ATP1A1: variants seen among roughly 807,000 people sequenced by gnomAD.
ATP1A1 encodes the protein ATPase Na+/K+ transporting subunit alpha 1.
ATP1A1 carries 14 observed loss-of-function variants against 114.8 expected under a neutral mutation model. The ratio of observed to expected loss-of-function variants is 0.12; its 90% CI spans 0.08 to 0.19. The LOEUF (loss-of-function observed/expected upper bound fraction) is 0.19, where lower values mean the gene tolerates loss of function less well. ATP1A1 is among the 10% of genes least tolerant of loss of function. The pLI, the probability that ATP1A1 is intolerant of heterozygous loss-of-function variation, is 1.00. For synonymous variants in ATP1A1, 471 were observed against 466.3 expected, an observed-to-expected ratio of 1.01 and a Z score of -0.13; for missense variants, 524 against 1,290.7, an observed-to-expected ratio of 0.41 and a Z score of 9.10.
At position 116,389,817 on chromosome 1, in the gene ATP1A1, T is replaced by C. The variant is rs1011261173; in HGVS notation, c.1023+110T>C. The C allele has an allele frequency of 5.5e-6, 8 of 1,449,444 alleles. No individual in the cohort carries two copies. In the Admixed American group the frequency reaches 1.3e-4, roughly 23 times the overall value. The allele number at this position is 1,449,444 out of a possible 1,614,324, so 89.8% of individuals were successfully genotyped here. Reference sequence around the variant, plus strand: ...CAACTTATGTTTTATTCTGGATGTTTGATATAGTTCTTCTTGAGAGCCACA... The same window carrying C: ...CAACTTATGTTTTATTCTGGATGTTCGATATAGTTCTTCTTGAGAGCCACA... On this transcript the variant is annotated intron_variant, in intron 8 of 22. Transcript: ENST00000295598. This position sits in a 1 kb window ranked among gnomAD's most constrained non-coding sequence, Gnocchi z 6.9.
At position 116,398,009 on chromosome 1, in the gene ATP1A1, C is replaced by A; in HGVS notation, c.2095C>A (p.Leu699Ile). The change falls in exon 15 of 23, where the codon CTC becomes ATC. Residue 699 changes from leucine to isoleucine, a missense_variant. Transcript: ENST00000295598. The surrounding 1 kb of genome is among the most constrained non-coding windows in gnomAD (Gnocchi z 6.1). ...VFARTSPQQK[L>I]IIVEGCQRQG... ...TGCCAGGACCTCCCCTCAGCAGAAG[C>A]TCATCATTGTGGAAGGCTGCCAAAG... is the stretch of plus-strand genomic sequence containing the variant. 1 of 1,614,082 alleles carries A rather than the reference C, an allele frequency of 6.2e-7. No homozygotes were observed. The highest frequency in any genetic ancestry group is 8.5e-7 in the Non-Finnish European group (1 of 1,180,014).
intron 10 of ATP1A1, 84 bp downstream of exon 10, chr1:116,390,975 T>C: frequency 8.5e-7 from 1 of 1,175,040 alleles, no homozygotes; most frequent in South Asian, 1.3e-5. Flanking sequence ...AAATTACCTT[T>C]GTGGTCTGTG....
Position 116,393,135 on chromosome 1 carries a change from T to A in ATP1A1, c.1467+147T>A. 8.6e-7 allele frequency: 1 copy of A among 1,163,902 alleles called. No homozygotes were observed. Among genetic ancestry groups the A allele is most frequent in the African/African-American group, 1.6e-5 (1 of 64,276 alleles). The allele number at this position is 1,163,902 out of a possible 1,614,324, so 72.1% of individuals were successfully genotyped here. A position where few individuals can be genotyped will look rare whatever the true frequency, so the allele number is the denominator to read the frequency against. ...TGCCCTTGATTACCATAGAATGCCATAATTTAGTTGAATATCAGCAGGATA... is the reference window on the plus strand; with the variant it reads ...TGCCCTTGATTACCATAGAATGCCAAAATTTAGTTGAATATCAGCAGGATA... On this transcript the variant is annotated intron_variant, in intron 11 of 22. Coordinates refer to ENST00000295598, the MANE Select transcript of ATP1A1 (RefSeq NM_000701.8). The surrounding 1 kb of genome is among the most constrained non-coding windows in gnomAD (Gnocchi z 5.0).
intron 1 of ATP1A1, among the ~76,000 whole-genome samples, chr1:116,376,049 C>T (rs1651343485): frequency 6.6e-6 from 1 of 152,042 alleles, no homozygotes; most frequent in Non-Finnish European, 1.5e-5. Flanking sequence ...CTTAAACCGT[C>T]AGCTAGGCCT....
intron 10 of ATP1A1, among the ~76,000 whole-genome samples, chr1:116,391,190 A>T (rs1652445502): frequency 6.6e-6 from 1 of 152,152 alleles, no homozygotes; most frequent in Non-Finnish European, 1.5e-5. Flanking sequence ...AACCTAATTC[A>T]TCTGCTTTTA....
In ATP1A1 at chr1:116,393,444, A is replaced by G. The variant is rs1164567650; in HGVS notation, c.1468-87A>G. 6 of 1,415,996 alleles carry G rather than the reference A, an allele frequency of 4.2e-6. No individual in the cohort carries two copies. Among genetic ancestry groups the G allele is most frequent in the Non-Finnish European group, 5.8e-6 (6 of 1,041,504 alleles). The allele number at this position is 1,415,996 out of a possible 1,614,324, so 87.7% of individuals were successfully genotyped here. A position where few individuals can be genotyped will look rare whatever the true frequency, so the allele number is the denominator to read the frequency against. ...GGATCTTGGGTCTTTTATAGCAAAT[A>G]CTAAATAGTAAGTGAAGCTTTGTTT... On this transcript the variant is annotated intron_variant, in intron 11 of 22. Coordinates refer to ENST00000295598, the MANE Select transcript of ATP1A1 (RefSeq NM_000701.8). The surrounding 1 kb of genome is among the most constrained non-coding windows in gnomAD (Gnocchi z 5.0).
intron 1 of ATP1A1, among the ~76,000 whole-genome samples, chr1:116,374,476 A>G (rs564242884): frequency 1.3e-5 from 2 of 152,244 alleles, no homozygotes; most frequent in Admixed American, 1.3e-4. Flanking sequence ...GCGTCGCGGA[A>G]GCACCAAAGG....
chr1:116,374,060 CCGGCGGGGGCAGCCTCCGGGTT>C, intron 1 of ATP1A1: 1 of 1,404,468 alleles, frequency 7.1e-7, no homozygotes, highest in Non-Finnish European at 9.3e-7. Context: ...GGCCCCGGTT[CCGGCGGGGGCAGCCTCCGGGTT>C]CGGGGCTCCT....
At position 116,385,280 on chromosome 1, in the gene ATP1A1, T is replaced by C. The variant is rs926097573; in HGVS notation, c.183+438T>C. ...AGTGTGTTATGGTTATACTATCATT[T>C]GTTTAGTTATTCTATCATTTAGTTG... On this transcript the variant is annotated intron_variant, in intron 3 of 22. Coordinates refer to ENST00000295598, the MANE Select transcript of ATP1A1 (RefSeq NM_000701.8). This position sits in a 1 kb window ranked among gnomAD's most constrained non-coding sequence, Gnocchi z 4.3. 1.8e-5 allele frequency: 3 copies of C among 163,062 alleles called. No individual in the cohort carries two copies. Among genetic ancestry groups the C allele is most frequent in the African/African-American group, 7.2e-5 (3 of 41,530 alleles). 10.1% of individuals were successfully genotyped at this position (163,062 alleles called of 1,614,324 possible).
intron 9 of ATP1A1, 122 bp downstream of exon 9, chr1:116,390,533 TTTG>T: frequency 4.8e-6 from 5 of 1,050,200 alleles, no homozygotes; most frequent in Admixed American, 3.1e-5. Context: ...TTCTTTCTTT[TTTG>T]TTTTTTTTTT....
At chr1:116,379,814 C>T (rs535208846) in intron 1 of ATP1A1, among the ~76,000 whole-genome samples, 1 of 152,144 alleles carries the variant, frequency 6.6e-6, no homozygotes, top group African/African-American at 2.4e-5. Flanking sequence ...GAGAAAGCAC[C>T]CCTCCCCCTT....
chr1:116,393,063 AG>A lies in ATP1A1; in HGVS notation c.1467+77del, dbSNP rs1327336790. Reference sequence around the variant, plus strand: ...AGAGGGGAGGTACATGAGCAGGAAGAGGAAATATTCTCCCTTTGGAGTTTTA... The same window carrying A: ...AGAGGGGAGGTACATGAGCAGGAAGAGAAATATTCTCCCTTTGGAGTTTTA... On this transcript the variant is annotated intron_variant, in intron 11 of 22. Coordinates refer to ENST00000295598, the MANE Select transcript of ATP1A1 (RefSeq NM_000701.8). This position sits in a 1 kb window ranked among gnomAD's most constrained non-coding sequence, Gnocchi z 5.0. 2.0e-4 allele frequency: 317 copies of A among 1,569,848 alleles called. 3 individuals carry two copies. In the South Asian group the frequency reaches 3.6e-3, roughly 18 times the overall value.
At position 116,397,795 on chromosome 1, in the gene ATP1A1, A is replaced by G; in HGVS notation, c.1974-93A>G. 6.9e-7 allele frequency: 1 copy of G among 1,440,300 alleles called. No homozygotes were observed. The highest frequency in any genetic ancestry group is 1.3e-5 in the South Asian group (1 of 74,610). 89.2% of individuals were successfully genotyped at this position (1,440,300 alleles called of 1,614,324 possible). ...AATTCCTTCTTTGTTTTGTTTACAA[A>G]GTGATCTGCATAAGAATATCCCCTC... On this transcript the variant is annotated intron_variant, in intron 14 of 22. Transcript: ENST00000295598. This position sits in a 1 kb window ranked among gnomAD's most constrained non-coding sequence, Gnocchi z 4.2.
rs1221872894 is a variant in ATP1A1, at chr1:116,388,703, T to C, written c.567T>C (p.Asp189=). The C allele has an allele frequency of 6.2e-7, 1 of 1,614,058 alleles. No homozygotes were observed. The highest frequency in any genetic ancestry group is 1.3e-5 in the African/African-American group (1 of 74,906). Residue 189 remains aspartate (D), a synonymous_variant, in exon 6 of 23, where the codon GAT becomes GAC. Coordinates refer to ENST00000295598, the MANE Select transcript of ATP1A1 (RefSeq NM_000701.8). This position sits in a 1 kb window ranked among gnomAD's most constrained non-coding sequence, Gnocchi z 5.6. ...ATGCGGAGGAAGTTGTGGTTGGGGATCTGGTGGAAGTAAAAGGAGGAGACC... is the reference window on the plus strand; with the variant it reads ...ATGCGGAGGAAGTTGTGGTTGGGGACCTGGTGGAAGTAAAAGGAGGAGACC... ...SINAEEVVVG[D]LVEVKGGDRI...
rs1185378954 is a variant in ATP1A1 at position 116,373,447 on chromosome 1, C to T, written c.-65C>T. On this transcript the variant is annotated 5_prime_UTR_variant, in exon 1 of 23. Coordinates refer to ENST00000295598, the MANE Select transcript of ATP1A1 (RefSeq NM_000701.8). The stretch of plus-strand genomic sequence containing the variant: ...GTCCCGCTCGCTCGGCCGGGAGCTG[C>T]TCTGTGCTTTTCTCTCTGATTCTCC... The T allele has an allele frequency of 1.3e-6, 2 of 1,484,674 alleles. No homozygotes were observed. The highest frequency in any genetic ancestry group is 2.2e-5 in the Admixed American group (1 of 45,646). 92.0% of individuals were successfully genotyped at this position (1,484,674 alleles called of 1,614,324 possible).
intron 18 of ATP1A1, among the ~76,000 whole-genome samples, chr1:116,400,617 G>C (rs1434209902): frequency 1.3e-5 from 2 of 152,184 alleles, no homozygotes; most frequent in Non-Finnish European, 2.9e-5. Flanking sequence ...ATGTGTCTTT[G>C]TGTAGGCTCC....
At chr1:116,373,646 G>A in intron 1 of ATP1A1, 123 bp downstream of exon 1, 3 of 1,159,594 alleles carry the variant, frequency 2.6e-6, no homozygotes, top group Non-Finnish European at 3.4e-6. Context: ...GCGTGGAGTG[G>A]GCTGGCAGAG....
chr1:116,399,568 G>A lies in ATP1A1; in HGVS notation c.2572+25G>A, dbSNP rs746210378. On this transcript the variant is annotated intron_variant, in intron 18 of 22. Coordinates refer to ENST00000295598, the MANE Select transcript of ATP1A1 (RefSeq NM_000701.8). The surrounding 1 kb of genome is among the most constrained non-coding windows in gnomAD (Gnocchi z 5.0). Reference sequence around the variant, plus strand: ...GGTAAGCTGCAGCCTGGAGTGGGAAGCTGGCACATCTAAGGCATCTGAGGT... The same window carrying A: ...GGTAAGCTGCAGCCTGGAGTGGGAAACTGGCACATCTAAGGCATCTGAGGT... 1 of 1,613,508 alleles carries A rather than the reference G, an allele frequency of 6.2e-7. No homozygotes were observed. Among genetic ancestry groups the A allele is most frequent in the Non-Finnish European group, 8.5e-7 (1 of 1,179,716 alleles).
rs1219310823 is a variant in ATP1A1 at position 116,397,545 on chromosome 1, G to A, written c.1974-343G>A. The stretch of plus-strand genomic sequence containing the variant: ...TGGTCTCGAACTCCTGACCTCAAGT[G>A]ATCCACTCACCTCAGCCTCCCAAAG... On this transcript the variant is annotated intron_variant, in intron 14 of 22. Coordinates refer to ENST00000295598, the MANE Select transcript of ATP1A1 (RefSeq NM_000701.8). The surrounding 1 kb of genome is among the most constrained non-coding windows in gnomAD (Gnocchi z 4.2). Among the ~76,000 whole-genome samples the A allele has an allele frequency of 6.6e-6, 1 of 152,058 alleles. No individual in the cohort carries two copies. The highest frequency in any genetic ancestry group is 1.5e-5 in the Non-Finnish European group (1 of 68,024).
Sources: gnomAD v4.1 joint callset for allele counts (sites outside exome capture counted in the v4.1 genomes callset) on GRCh38, gnomAD v4.1.1 for gene constraint, Gnocchi (gnomAD v3.1) non-coding constraint, MANE v1.5 for transcripts, NCBI Gene and HGNC (gene_info 2026-07-23, HGNC 2026-07-21) for gene names.